CCDC102B: variants seen among roughly 807,000 people sequenced by gnomAD.
CCDC102B encodes coiled-coil domain-containing protein 102B.
In CCDC102B, 75 loss-of-function variants were observed where a neutral mutation model predicts 57.4. That is an observed-to-expected ratio of 1.31 (90% CI 1.08 to 1.58). CCDC102B has a LOEUF of 1.58. Among genes scored for constraint, CCDC102B ranks in the 40% most tolerant of loss-of-function variants. The probability of loss-of-function intolerance (pLI) is 0.00; values close to 1 mark genes in which losing one functional copy is unlikely to be tolerated. For synonymous variants in CCDC102B, 206 were observed against 201.9 expected (o/e 1.02, Z -0.17); for missense variants, 636 against 582.6 (o/e 1.09, Z -0.94).
intron 2 of CCDC102B, among the ~76,000 whole-genome samples, chr18:68,725,089 A>C (rs1034310948): frequency 6.6e-5 from 10 of 152,306 alleles, no homozygotes; most frequent in Admixed American, 5.9e-4. Context: ...AGCCCCTTAT[A>C]CAACCATCAG....
intron 6 of CCDC102B, chr18:68,907,924 T>C (rs2040704173): frequency 6.6e-6 from 1 of 152,236 alleles, no homozygotes. Flanking sequence ...CTGCAGGTGT[T>C]TCATATGTCA....
At chr18:68,751,286 T>C (rs144999854) in intron 2 of CCDC102B, among the ~76,000 whole-genome samples, 1 of 152,256 alleles carries the variant, frequency 6.6e-6, no homozygotes, top group Admixed American at 6.5e-5. Context: ...CAATATGTAA[T>C]TTTGTTTTAT....
chr18:68,838,348 G>T (rs775646066), intron 2 of CCDC102B: 1 of 872,996 alleles, frequency 1.1e-6, no homozygotes, highest in South Asian at 5.2e-5. Context: ...GAAACTGTAA[G>T]TGTCTTATGA....
At chr18:68,740,793 G>A (rs996855799) in intron 2 of CCDC102B, among the ~76,000 whole-genome samples, 4 of 151,912 alleles carry the variant, frequency 2.6e-5, no homozygotes, top group African/African-American at 9.7e-5. Context: ...TAATATTTAA[G>A]TATATATACT....
intron 6 of CCDC102B, among the ~76,000 whole-genome samples, chr18:68,903,179 G>C (rs2040511310): frequency 1.3e-5 from 2 of 152,154 alleles, no homozygotes; most frequent in Non-Finnish European, 2.9e-5. Context: ...TTCACACACA[G>C]AAAAGCGTAA....
chr18:69,035,747 T>G (rs974760562), intron 7 of CCDC102B, among the ~76,000 whole-genome samples: 3 of 152,082 alleles, frequency 2.0e-5, no homozygotes, highest in Non-Finnish European at 4.4e-5. Context: ...TCACTTCCAA[T>G]TATAAATATC....
intron 2 of CCDC102B, among the ~76,000 whole-genome samples, chr18:68,771,024 A>G (rs1051838844): frequency 1.3e-5 from 2 of 152,252 alleles, no homozygotes; most frequent in African/African-American, 4.8e-5. Flanking sequence ...AGGGACCTAG[A>G]TTGATATTAA....
chr18:69,034,795 A>G (rs759537275), intron 7 of CCDC102B, among the ~76,000 whole-genome samples: 1 of 151,694 alleles, frequency 6.6e-6, no homozygotes, highest in East Asian at 1.9e-4. Flanking sequence ...ATATACACAC[A>G]TACATATTTA....
At chr18:68,761,693 A>T (rs2885459) in intron 2 of CCDC102B, among the ~76,000 whole-genome samples, 25,018 of 151,990 alleles carry the variant, frequency 0.16, 2,105 homozygotes, top group East Asian at 0.3. Context: ...CCTTTAAACA[A>T]TACTTTGTGT....
chr18:68,954,836 A>T (rs193239155), intron 6 of CCDC102B, among the ~76,000 whole-genome samples: 2 of 152,340 alleles, frequency 1.3e-5, no homozygotes, highest in East Asian at 3.9e-4. Flanking sequence ...CATCACTGGC[A>T]TTCCTGACTT....
chr18:68,746,449 A>G (rs1248709949), intron 2 of CCDC102B, among the ~76,000 whole-genome samples: 3 of 152,150 alleles, frequency 2.0e-5, no homozygotes, highest in African/African-American at 4.8e-5. Context: ...CCAGTGTGAT[A>G]TGCTTTCTTC....
At chr18:68,962,446 T>G (rs28431381) in intron 6 of CCDC102B, among the ~76,000 whole-genome samples, 3,136 of 152,114 alleles carry the variant, frequency 0.021, 110 homozygotes, top group African/African-American at 0.072. Context: ...TCTCCTTCAT[T>G]CTATACTCAA....
At chr18:68,907,483 A>G (rs748817298) in intron 6 of CCDC102B, among the ~76,000 whole-genome samples, 4 of 152,156 alleles carry the variant, frequency 2.6e-5, no homozygotes, top group Non-Finnish European at 5.9e-5. Context: ...AATGTATTGT[A>G]GTTTTCAGCT....
chr18:69,054,916 T>A lies in CCDC102B; in HGVS notation c.*779T>A, dbSNP rs1416552671. 2 of 985,214 alleles carry A rather than the reference T, an allele frequency of 2.0e-6. No homozygotes were observed. The highest frequency in any genetic ancestry group is 2.4e-6 in the Non-Finnish European group (2 of 829,912). The allele number at this position is 985,214 out of a possible 1,614,324, so 61.0% of individuals were successfully genotyped here. ...TCTGAGTAGTGGGAATAGAGAAAATTAGGAAATTGTGGTTATGTGAATATT... is the reference window on the plus strand; with the variant it reads ...TCTGAGTAGTGGGAATAGAGAAAATAAGGAAATTGTGGTTATGTGAATATT... On this transcript the variant is annotated 3_prime_UTR_variant, in exon 8 of 8. Transcript: ENST00000360242.
chr18:68,871,923 G>T (rs2039255030), intron 4 of CCDC102B, among the ~76,000 whole-genome samples: 1 of 152,122 alleles, frequency 6.6e-6, no homozygotes, highest in South Asian at 2.1e-4. Context: ...AAGAATGGAG[G>T]CTATTAAAAT....
rs567761464 is a variant in CCDC102B at position 68,943,796 on chromosome 18, C to T, written c.1263+46368C>T. The stretch of plus-strand genomic sequence containing the variant: ...AAATTCTCTAGGCCGGAGGAAGGGG[C>T]TTGATTAACTTTTATACCTTGGTTT... On this transcript the variant is annotated intron_variant, in intron 6 of 7. Transcript: ENST00000360242. Among the ~76,000 whole-genome samples, 11 of 152,166 alleles carry T rather than the reference C, an allele frequency of 7.2e-5. No homozygotes were observed. The East Asian group carries it at 2.1e-3, about 30-fold the overall frequency.
intron 4 of CCDC102B, among the ~76,000 whole-genome samples, chr18:68,855,158 G>A (rs2038324851): frequency 6.6e-6 from 1 of 152,252 alleles, no homozygotes; most frequent in Admixed American, 6.5e-5. Flanking sequence ...AGCATCACAT[G>A]TTCAAGCCCC....
chr18:68,945,706 G>A (rs2049520704), intron 6 of CCDC102B, among the ~76,000 whole-genome samples: 1 of 152,050 alleles, frequency 6.6e-6, no homozygotes, highest in African/African-American at 2.4e-5. Context: ...AAAGCAATTT[G>A]TCCTTGTTTA....
intron 1 of CCDC102B, among the ~76,000 whole-genome samples, chr18:68,813,861 G>T (rs1481982272): frequency 6.6e-6 from 1 of 151,534 alleles, no homozygotes; most frequent in Non-Finnish European, 1.5e-5. Context: ...AGTTATCTGA[G>T]AACGATGTGA....
Sources: allele counts gnomAD v4.1 joint callset (sites outside exome capture counted in the v4.1 genomes callset), GRCh38; gene constraint gnomAD v4.1.1; transcripts MANE v1.5; gene names NCBI Gene and HGNC (gene_info 2026-07-23, HGNC 2026-07-21).